Variants in SEMA4B observed in about 807,000 individuals in gnomAD.
SEMA4B encodes semaphorin 4B.
In SEMA4B, 55 loss-of-function variants were observed where a neutral mutation model predicts 88.1. That is an observed-to-expected ratio of 0.62 (90% CI 0.50 to 0.78). SEMA4B has a LOEUF of 0.78. SEMA4B is among the 30% of genes least tolerant of loss of function. The pLI, the probability that SEMA4B is intolerant of heterozygous loss-of-function variation, is 0.00. For synonymous variants in SEMA4B, 525 were observed against 473.6 expected (o/e 1.11, Z -1.41); for missense variants, 1,062 against 1,111.9 (o/e 0.96, Z 0.64).
intron 5 of SEMA4B, 70 bp from the exon 6 acceptor site, chr15:90,221,297 C>T: frequency 1.4e-6 from 2 of 1,380,012 alleles, no homozygotes; most frequent in Non-Finnish European, 2.0e-6. Context: ...GCTGGGGTCA[C>T]TCTGGGCCCT....
At chr15:90,206,369 C>G (rs1221167630) in intron 1 of SEMA4B, among the ~76,000 whole-genome samples, 1 of 152,208 alleles carries the variant, frequency 6.6e-6, no homozygotes, top group African/African-American at 2.4e-5. Context: ...CTGCATTCTC[C>G]ATGCTTTTCC....
rs1366905899 is a variant in SEMA4B at position 90,221,458 on chromosome 15, G to C, written c.687G>C (p.Glu229Asp). Residue 229 changes from glutamate to aspartate, a missense_variant, in exon 6 of 14, where the codon GAG (glutamate) becomes GAC (aspartate). Transcript: ENST00000411539. The part of the protein sequence containing the change: ...RSQSLRPTKT[E>D]SSLNWLQDPA... ...AAAGCCTTCGCCCCACCAAGACCGA[G>C]AGCTCCCTCAACTGGCTGCAAGGTG... The C allele has an allele frequency of 1.9e-6, 3 of 1,592,692 alleles. No individual in the cohort carries two copies. Among genetic ancestry groups the C allele is most frequent in the Non-Finnish European group, 2.6e-6 (3 of 1,170,062 alleles).
rs181338649 is a variant in SEMA4B, at chr15:90,193,384, G to A, written c.-121-8074G>A. 7.1e-3 allele frequency: 1,080 copies of A among 152,412 alleles called. 4 individuals are homozygous for A. The highest frequency in any genetic ancestry group is 0.01 in the Non-Finnish European group (690 of 68,106). 9.4% of individuals were successfully genotyped at this position (152,412 alleles called of 1,614,324 possible). ...GCTGCTGTGCTGGGGGCGTGGATTC[G>A]AGGGCTCTTCTCCAGGCTGACAGCT... On this transcript the variant is annotated intron_variant, in intron 1 of 14. Transcript: ENST00000332496.
At chr15:90,185,924 ATTTTTTTTTTT>A (rs398028319) in intron 1 of SEMA4B, among the ~76,000 whole-genome samples, 5 of 55,460 alleles carry the variant, frequency 9.0e-5, no homozygotes, top group Admixed American at 5.4e-4. Flanking sequence ...TCTTTTGGTG[ATTTTTTTTTTT>A]TTTTTTTTTT....
rs370365632 is a variant in SEMA4B, at chr15:90,225,064, G to A, written c.1291G>A (p.Gly431Arg). Residue 431 changes from glycine (G) to arginine (R), a missense_variant, in exon 10 of 14, where the codon GGG becomes AGG. By Grantham distance (125) the Gly-to-Arg change is moderately radical (BLOSUM62 -2). Transcript: ENST00000411539. ...NFLKDHFLMD[G>R]QVRSRMLLLQ... ...CCTCAAGGACCACTTCCTGATGGAC[G>A]GGCAGGTCCGAAGCCGCATGCTGCT... 14 of 1,613,724 alleles carry A rather than the reference G, an allele frequency of 8.7e-6. No individual in the cohort carries two copies. The highest frequency in any genetic ancestry group is 2.7e-5 in the African/African-American group (2 of 74,922).
chr15:90,187,236 C>G (rs185617982), intron 1 of SEMA4B, among the ~76,000 whole-genome samples: 2 of 152,312 alleles, frequency 1.3e-5, no homozygotes, highest in Non-Finnish European at 2.9e-5. Context: ...TGTTTAGCTT[C>G]CCTAAAGCAG....
At position 90,207,145 on chromosome 15, in the gene SEMA4B, C is replaced by T. The variant is rs182701792; in HGVS notation, c.157+5410C>T. ...AGTAGAGTGGCTACAGAGTGATACA[C>T]AGAGGTGGAGTGTTCTGTCCAGCTG... is the stretch of plus-strand genomic sequence containing the variant. On this transcript the variant is annotated intron_variant, in intron 1 of 13. Transcript: ENST00000411539. 7.2e-5 allele frequency among the ~76,000 whole-genome samples: 11 copies of T among 152,310 alleles called. 1 individual carries two copies. Among genetic ancestry groups the T allele is most frequent in the African/African-American group, 2.6e-4 (11 of 41,560 alleles).
intron 13 of SEMA4B, 67 bp downstream of exon 13, chr15:90,227,709 G>A: frequency 6.5e-7 from 1 of 1,550,344 alleles, no homozygotes. Context: ...GCTCCCCCAG[G>A]CACAGATGTT....
intron 1 of SEMA4B, chr15:90,207,036 G>T: frequency 2.7e-6 from 1 of 371,846 alleles, no homozygotes; most frequent in Non-Finnish European, 5.0e-6. Context: ...ATACTTATTA[G>T]CTCACCATCG....
rs768484231 is a variant in SEMA4B at position 90,226,065 on chromosome 15, T to C, written c.1688+238T>C. On this transcript the variant is annotated intron_variant, in intron 12 of 13. Coordinates refer to ENST00000411539, the MANE Select transcript of SEMA4B (RefSeq NM_198925.4). ...TTGGTAAAGTATGAAATAGCACAGC[T>C]TTGAAAAGCCTTGCAGGAAAATGTG... Among the ~76,000 whole-genome samples the C allele has an allele frequency of 5.3e-5, 8 of 152,228 alleles. 1 individual carries two copies. The highest frequency in any genetic ancestry group is 2.6e-4 in the Admixed American group (4 of 15,282).
At chr15:90,226,078 G>A (rs1033494353) in intron 12 of SEMA4B, among the ~76,000 whole-genome samples, 1 of 152,204 alleles carries the variant, frequency 6.6e-6, no homozygotes, top group African/African-American at 2.4e-5. Context: ...GAAAAGCCTT[G>A]CAGGAAAATG....
intron 1 of SEMA4B, among the ~76,000 whole-genome samples, chr15:90,206,418 C>T (rs1288229028): frequency 1.3e-5 from 2 of 152,200 alleles, no homozygotes; most frequent in African/African-American, 2.4e-5. Flanking sequence ...ACATTCTGAC[C>T]TCCCTGTGCT....
intron 9 of SEMA4B, among the ~76,000 whole-genome samples, 194 bp from the exon 10 acceptor site, chr15:90,224,774 C>T (rs561267510): frequency 8.5e-5 from 13 of 152,134 alleles, no homozygotes; most frequent in Admixed American, 5.2e-4. Context: ...TCCAAGCACT[C>T]GGTTTCCCCG....
At position 90,221,451 on chromosome 15, in the gene SEMA4B, A is replaced by G. The variant is rs1460969659; in HGVS notation, c.680A>G (p.Lys227Arg). 4.4e-6 allele frequency: 7 copies of G among 1,590,580 alleles called. No individual in the cohort carries two copies. The highest frequency in any genetic ancestry group is 6.0e-6 in the Non-Finnish European group (7 of 1,169,038). ...ISRSQSLRPT[K>R]TESSLNWLQD... ...CGGAGCCAAAGCCTTCGCCCCACCAAGACCGAGAGCTCCCTCAACTGGCTG... is the reference window on the plus strand; with the variant it reads ...CGGAGCCAAAGCCTTCGCCCCACCAGGACCGAGAGCTCCCTCAACTGGCTG... The change falls in exon 6 of 14, where the codon AAG (lysine) becomes AGG (arginine). Residue 227 changes from lysine to arginine, a missense_variant. Transcript: ENST00000411539.
At position 90,227,559 on chromosome 15, in the gene SEMA4B, C is replaced by T. The variant is rs374234668; in HGVS notation, c.1691C>T (p.Pro564Leu). Residue 564 changes from proline (P) to leucine (L), a missense_variant and splice_region_variant, in exon 13 of 14, where the codon CCG becomes CTG. By Grantham distance (98) the Pro-to-Leu change is moderately conservative. Transcript: ENST00000411539. ...SLYQPQLATR[P>L]WIQDIEGASA... ...CCAGAATTCTCTCTGGCCCTCAGGC[C>T]GTGGATCCAGGACATCGAGGGAGCC... is the stretch of plus-strand genomic sequence containing the variant. 2.9e-5 allele frequency: 46 copies of T among 1,613,748 alleles called. No individual in the cohort carries two copies. The highest frequency in any genetic ancestry group is 3.6e-5 in the Non-Finnish European group (43 of 1,179,822).
chr15:90,201,648 C>T lies in SEMA4B; in HGVS notation c.70C>T (p.Pro24Ser), dbSNP rs1485672227. The stretch of plus-strand genomic sequence containing the variant: ...ATGGGGCGCGCTGCCGCCTCGGCCA[C>T]CGCTGCTGCTGCTCCTGCTGCTGCT... ...APWGALPPRP[P>S]LLLLLLLLLL... The change falls in exon 1 of 14, where the codon CCG becomes TCG. Residue 24 changes from proline to serine, a missense_variant. Pro to Ser is a moderately conservative substitution (Grantham distance 74, BLOSUM62 -1). Transcript: ENST00000411539. 2 of 1,517,494 alleles carry T rather than the reference C, an allele frequency of 1.3e-6. No homozygotes were observed. The allele number at this position is 1,517,494 out of a possible 1,614,324, so 94.0% of individuals were successfully genotyped here. A position where few individuals can be genotyped will look rare whatever the true frequency, so the allele number is the denominator to read the frequency against.
intron 8 of SEMA4B, 36 bp from the exon 9 acceptor site, chr15:90,223,793 GGGGCCCCCA>G: frequency 6.2e-7 from 1 of 1,606,836 alleles, no homozygotes. Context: ...GGCTGGGACT[GGGGCCCCCA>G]GGGCTCCTGG....
At position 90,225,033 on chromosome 15, in the gene SEMA4B, G is replaced by A; in HGVS notation, c.1260G>A (p.Leu420=). ...NSSLQLPDRV[L]NFLKDHFLMD... is the part of the protein sequence containing the mutation. ...CCCTGCAGCTCCCAGACCGCGTGCT[G>A]AACTTCCTCAAGGACCACTTCCTGA... Residue 420 remains leucine (L), a synonymous_variant, in exon 10 of 14, where the codon CTG becomes CTA. Coordinates refer to ENST00000411539, the MANE Select transcript of SEMA4B (RefSeq NM_198925.4). 1 of 1,613,942 alleles carries A rather than the reference G, an allele frequency of 6.2e-7. No individual in the cohort carries two copies. The highest frequency in any genetic ancestry group is 8.5e-7 in the Non-Finnish European group (1 of 1,179,854).
intron 12 of SEMA4B, among the ~76,000 whole-genome samples, chr15:90,227,011 T>C (rs1046234195): frequency 2.0e-5 from 3 of 152,174 alleles, no homozygotes; most frequent in African/African-American, 7.2e-5. Context: ...ATCCCAGCTG[T>C]CCTTCTAATC....
Sources: allele counts gnomAD v4.1 joint callset (sites outside exome capture counted in the v4.1 genomes callset), GRCh38; gene constraint gnomAD v4.1.1; transcripts MANE v1.5; gene names NCBI Gene and HGNC (gene_info 2026-07-23, HGNC 2026-07-21).